SAMMSON: variants seen among roughly 807,000 people sequenced by gnomAD.
SAMMSON encodes the protein long intergenic non-protein coding RNA 1212.
intron 9 of SAMMSON, among the ~76,000 whole-genome samples, chr3:70,386,053 G>A (rs1703120807): frequency 1.3e-5 from 2 of 152,104 alleles, no homozygotes; most frequent in Non-Finnish European, 2.9e-5. Context: ...TCTTCGCTGT[G>A]GGGAATCACA....
rs7434025 is a variant in SAMMSON, at chr3:70,274,386, T to G, written n.675-16793T>G. ...ATTCTCTTGAAATATAGAATGAGTA[T>G]GTGATAGAAATGAGCACTGATATAT... On this transcript the variant is annotated intron_variant and non_coding_transcript_variant, in intron 6 of 9. Transcript: ENST00000642114. Among the ~76,000 whole-genome samples the G allele has an allele frequency of 7.0e-3, 1,068 of 152,220 alleles. 12 individuals are homozygous for G. The highest frequency in any genetic ancestry group is 0.025 in the African/African-American group (1,037 of 41,476).
intron 9 of SAMMSON, among the ~76,000 whole-genome samples, chr3:70,374,935 C>T (rs941128322): frequency 1.3e-5 from 2 of 152,090 alleles, no homozygotes; most frequent in African/African-American, 4.8e-5. Context: ...TTCATCTTAA[C>T]CCTTCAACAT....
intron 7 of SAMMSON, among the ~76,000 whole-genome samples, chr3:70,296,017 A>G (rs1480524293): frequency 1.3e-5 from 2 of 152,188 alleles, no homozygotes; most frequent in Admixed American, 1.3e-4. Context: ...AACTGTGGCT[A>G]ACATGCATTA....
chr3:70,195,858 T>C (rs1387609401), intron 4 of SAMMSON, among the ~76,000 whole-genome samples: 3 of 152,198 alleles, frequency 2.0e-5, no homozygotes, highest in African/African-American at 7.2e-5. Flanking sequence ...TTTAAACTTA[T>C]TTGAGTCGAA....
intron 4 of SAMMSON, among the ~76,000 whole-genome samples, chr3:70,167,150 A>G (rs1337857325): frequency 2.0e-5 from 3 of 152,018 alleles, no homozygotes; most frequent in Non-Finnish European, 2.9e-5. Context: ...TTAAAATCCA[A>G]TGTGTACTGT....
intron 2 of SAMMSON, among the ~76,000 whole-genome samples, chr3:70,409,231 T>C (rs75433164): frequency 1.3e-5 from 2 of 152,248 alleles, no homozygotes; most frequent in Non-Finnish European, 2.9e-5. Context: ...AACATAATCA[T>C]TGATACCAAC....
intron 6 of SAMMSON, among the ~76,000 whole-genome samples, chr3:70,287,454 T>G (rs201156735): frequency 0.21 from 31,845 of 150,826 alleles, 3,613 homozygotes; most frequent in African/African-American, 0.28. Flanking sequence ...GCTGGATTCA[T>G]TTTGCCAGTA....
chr3:70,271,762 T>TTTTA (rs1553650726), intron 6 of SAMMSON: 1 of 152,126 alleles, frequency 6.6e-6, no homozygotes, highest in Admixed American at 6.6e-5. Context: ...CACACTTATT[T>TTTTA]TTTATTTATT....
At chr3:70,349,951 T>G (rs1486122268) in intron 7 of SAMMSON, among the ~76,000 whole-genome samples, 1 of 152,198 alleles carries the variant, frequency 6.6e-6, no homozygotes. Context: ...ACATGATTGT[T>G]GCACTGAGCT....
intron 4 of SAMMSON, among the ~76,000 whole-genome samples, chr3:70,115,249 G>A (rs1485980676): frequency 6.7e-6 from 1 of 148,478 alleles, no homozygotes; most frequent in Non-Finnish European, 1.5e-5. Flanking sequence ...AAAAGCAGAA[G>A]ACTAGAGAGG....
rs75164549 is a variant in SAMMSON, at chr3:70,059,271, A to G, written n.418-12205A>G. On this transcript the variant is annotated intron_variant and non_coding_transcript_variant, in intron 3 of 9. Coordinates refer to ENST00000642114, the Ensembl canonical transcript of SAMMSON. ...TAGGTAAGCATTTTAGATAGAGATC[A>G]TAAATTCAAAATTTAGTTCCTGTAG... Among the ~76,000 whole-genome samples, 94 of 152,282 alleles carry G rather than the reference A, an allele frequency of 6.2e-4. 1 individual carries two copies. The East Asian group carries it at 0.016, about 26-fold the overall frequency.
At chr3:70,262,476 G>T (rs1701875654) in intron 6 of SAMMSON, among the ~76,000 whole-genome samples, 1 of 152,170 alleles carries the variant, frequency 6.6e-6, no homozygotes, top group African/African-American at 2.4e-5. Flanking sequence ...TAAATGCAGA[G>T]CTCTTCAGTG....
At chr3:70,325,323 A>C (rs544005129) in intron 7 of SAMMSON, among the ~76,000 whole-genome samples, 15 of 152,110 alleles carry the variant, frequency 9.9e-5, no homozygotes, top group Non-Finnish European at 1.6e-4. Context: ...GATACACTGT[A>C]AGTATGTACG....
chr3:70,345,050 ATG>A (rs1475456314), intron 7 of SAMMSON, among the ~76,000 whole-genome samples: 22 of 152,200 alleles, frequency 1.4e-4, no homozygotes, highest in Non-Finnish European at 2.8e-4. Context: ...ATAAATATAA[ATG>A]TATGTGCATT....
chr3:70,201,870 C>T (rs993550790), intron 4 of SAMMSON, among the ~76,000 whole-genome samples: 1 of 152,146 alleles, frequency 6.6e-6, no homozygotes, highest in African/African-American at 2.4e-5. Context: ...CTAGATTCAG[C>T]CAGTAGAAGG....
exon 10 of SAMMSON, chr3:70,389,807 G>A (rs565379151): frequency 6.6e-6 from 1 of 152,290 alleles, no homozygotes; most frequent in South Asian, 2.1e-4. Context: ...AAATACCAGT[G>A]TGGATGTCAT....
At chr3:70,399,121 C>G (rs1701115528) in intron 2 of SAMMSON, among the ~76,000 whole-genome samples, 1 of 152,126 alleles carries the variant, frequency 6.6e-6, no homozygotes, top group Non-Finnish European at 1.5e-5. Context: ...GAGTAAGCAG[C>G]CACCCCATAT....
At chr3:70,098,244 G>A (rs950959372) in intron 4 of SAMMSON, among the ~76,000 whole-genome samples, 2 of 152,202 alleles carry the variant, frequency 1.3e-5, no homozygotes, top group African/African-American at 4.8e-5. Flanking sequence ...GGGTTTGTGT[G>A]TCGTTTCATC....
intron 1 of SAMMSON, among the ~76,000 whole-genome samples, chr3:70,003,836 A>T (rs185872357): frequency 4.6e-5 from 7 of 152,138 alleles, no homozygotes; most frequent in Admixed American, 1.3e-4. Flanking sequence ...AAATTCTTCT[A>T]GTCTTTTAGA....
Sources: allele counts gnomAD v4.1 joint callset (sites outside exome capture counted in the v4.1 genomes callset), GRCh38; gene constraint gnomAD v4.1.1; transcripts MANE v1.5; gene names NCBI Gene and HGNC (gene_info 2026-07-23, HGNC 2026-07-21).